Variants in HERC1 observed in about 807,000 individuals in gnomAD.
HERC1 encodes the protein probable E3 ubiquitin-protein ligase HERC1.
A neutral mutation model predicts 554.3 loss-of-function variants in HERC1; 160 were observed. That is an observed-to-expected ratio of 0.29 (90% confidence interval 0.25 to 0.33). HERC1 has a LOEUF of 0.33. Ranked by LOEUF, HERC1 falls within the 10% of genes least tolerant of loss-of-function variation. HERC1 has a pLI of 1.00. For missense variants in HERC1, 4,919 were observed against 5,918.5 expected (o/e 0.83, Z 5.54); for synonymous variants, 2,175 against 2,131.7 (o/e 1.02, Z -0.56).
At chr15:63,766,904 C>T (rs1441304439) in intron 2 of HERC1, among the ~76,000 whole-genome samples, 2 of 152,026 alleles carry the variant, frequency 1.3e-5, no homozygotes, top group East Asian at 3.9e-4. Flanking sequence ...TCTGAAACTC[C>T]CAACCCCAGG....
chr15:63,666,049 T>C lies in HERC1; in HGVS notation c.8425A>G (p.Thr2809Ala), dbSNP rs1376283757. 1 of 1,614,042 alleles carries C rather than the reference T, an allele frequency of 6.2e-7. No homozygotes were observed. The highest frequency in any genetic ancestry group is 1.7e-5 in the Admixed American group (1 of 60,024). ...EDEEEPQSGS[T>A]ADSRPGAAVL... ...GCTGCTCCAGGCCTAGAGTCTGCTG[T>C]GCTGCCCGACTGGGGCTCCTCTTCA... is the stretch of plus-strand genomic sequence containing the variant. Residue 2809 changes from threonine (T) to alanine (A), a missense_variant, in exon 42 of 78, where the codon ACA becomes GCA. Thr to Ala is a moderately conservative substitution (Grantham distance 58). This residue lies in a region of HERC1 where 1,963 missense variants were observed against 2,228.6 expected (regional missense o/e 0.88). Transcript: ENST00000443617.
At chr15:63,663,702 C>T (rs1293823957) in intron 43 of HERC1, among the ~76,000 whole-genome samples, 5 of 152,178 alleles carry the variant, frequency 3.3e-5, no homozygotes, top group African/African-American at 1.2e-4. Context: ...CAAGTGATTT[C>T]TCCTGCCTCC....
Position 63,706,796 on chromosome 15 carries a change from T to C in HERC1, c.4620A>G (p.Ala1540=), listed in dbSNP as rs1270179972. 1.3e-6 allele frequency: 2 copies of C among 1,544,336 alleles called. No individual in the cohort carries two copies. Among genetic ancestry groups the C allele is most frequent in the Admixed American group, 1.9e-5 (1 of 51,530 alleles). The part of the protein sequence containing the change: ...GRRNVDLDLA[A]SHRKRGPMHS... ...TACACTTACCTCTCTTTCTGTGAGA[T>C]GCTGCCAAATCCAAATCAACATTTC... Residue 1540 remains alanine (A), a synonymous_variant, in exon 25 of 78, where the codon GCA becomes GCG. Transcript: ENST00000443617.
intron 25 of HERC1, among the ~76,000 whole-genome samples, chr15:63,705,329 T>C (rs1162800593): frequency 6.6e-6 from 1 of 151,756 alleles, no homozygotes; most frequent in Non-Finnish European, 1.5e-5. Flanking sequence ...TTTTTTTTTC[T>C]TTTTGGCAGA....
intron 16 of HERC1, 74 bp downstream of exon 16, chr15:63,729,162 C>G: frequency 1.5e-6 from 2 of 1,365,972 alleles, no homozygotes; most frequent in Non-Finnish European, 2.0e-6. Context: ...TTCTGGCTCT[C>G]TTAAGACTTT....
chr15:63,730,024 C>T (rs2074217360), intron 14 of HERC1, among the ~76,000 whole-genome samples: 1 of 54,634 alleles, frequency 1.8e-5, no homozygotes, highest in Admixed American at 2.1e-4. Context: ...GAAACTATGT[C>T]TCAAAAAAAA....
intron 8 of HERC1, among the ~76,000 whole-genome samples, chr15:63,750,895 C>T (rs963708097): frequency 3.3e-5 from 5 of 152,152 alleles, no homozygotes; most frequent in African/African-American, 1.2e-4. Flanking sequence ...CATGTTTGTG[C>T]CACTGTACTC....
At chr15:63,670,202 C>A (rs983140699) in intron 39 of HERC1, among the ~76,000 whole-genome samples, 3 of 152,200 alleles carry the variant, frequency 2.0e-5, no homozygotes, top group African/African-American at 7.2e-5. Context: ...CCTAGCACAA[C>A]TGCAAAACAG....
At chr15:63,628,236 G>GA (rs1207522932) in intron 70 of HERC1, among the ~76,000 whole-genome samples, 4 of 151,970 alleles carry the variant, frequency 2.6e-5, no homozygotes, top group African/African-American at 9.7e-5. Flanking sequence ...ACTAAAAACA[G>GA]AAAAAATTAG....
At chr15:63,684,644 T>C (rs2071647457) in intron 34 of HERC1, among the ~76,000 whole-genome samples, 1 of 150,734 alleles carries the variant, frequency 6.6e-6, no homozygotes, top group South Asian at 2.1e-4. Context: ...TATGGAGGAG[T>C]CGGGAGGGCA....
intron 69 of HERC1, among the ~76,000 whole-genome samples, chr15:63,629,534 A>AT (rs2068455357): frequency 6.6e-6 from 1 of 152,238 alleles, no homozygotes; most frequent in South Asian, 2.1e-4. Flanking sequence ...CCAAACCTCT[A>AT]TACTTAGGGT....
intron 33 of HERC1, among the ~76,000 whole-genome samples, chr15:63,687,802 T>A (rs551932252): frequency 2.0e-5 from 3 of 152,334 alleles, no homozygotes; most frequent in African/African-American, 7.2e-5. Context: ...GGAAGGCCTC[T>A]CTGAAGATGT....
intron 1 of HERC1, among the ~76,000 whole-genome samples, chr15:63,823,423 C>A (rs1487577830): frequency 6.6e-6 from 1 of 152,112 alleles, no homozygotes; most frequent in Non-Finnish European, 1.5e-5. Flanking sequence ...TATAATTATT[C>A]CCATTTTATA....
chr15:63,663,141 T>G lies in HERC1; in HGVS notation c.8744A>C (p.Gln2915Pro), dbSNP rs775723755. Residue 2915 changes from glutamine to proline, a missense_variant, in exon 44 of 78, where the codon CAG (glutamine) becomes CCG (proline). Around this residue, in one of 11 missense-constraint regions of HERC1, gnomAD observed 1,963 missense variants for 2,228.6 expected, o/e 0.88. Transcript: ENST00000443617. ...NQSRREGISL[Q>P]QDPGALYDFN... The stretch of plus-strand genomic sequence containing the variant: ...GTCATACAACGCCCCTGGGTCTTGC[T>G]GCAAAGATATTCCTTCTCTCCGACT... 1.9e-6 allele frequency: 3 copies of G among 1,613,918 alleles called. No homozygotes were observed. Among genetic ancestry groups the G allele is most frequent in the Non-Finnish European group, 2.5e-6 (3 of 1,179,896 alleles).
At chr15:63,615,519 A>G (rs2067777691) in intron 76 of HERC1, among the ~76,000 whole-genome samples, 1 of 152,260 alleles carries the variant, frequency 6.6e-6, no homozygotes, top group South Asian at 2.1e-4. Context: ...CTGAGGCCAG[A>G]GAATCACTTG....
In HERC1 at chr15:63,774,669, T is replaced by A. The variant is rs529916165; in HGVS notation, c.930+25A>T. The A allele has an allele frequency of 1.9e-4, 283 of 1,519,556 alleles. 1 individual carries two copies. Among genetic ancestry groups the A allele is most frequent in the Admixed American group, 8.2e-4 (37 of 45,228 alleles). The allele number at this position is 1,519,556 out of a possible 1,614,324, so 94.1% of individuals were successfully genotyped here. ...CTTTTCCAAAAACTATTATGAACTT[T>A]AAAGTTGAGACTTATAGTACGTACC... On this transcript the variant is annotated intron_variant, in intron 2 of 77. Transcript: ENST00000443617.
At position 63,747,017 on chromosome 15, in the gene HERC1, C is replaced by A. The variant is rs544757328; in HGVS notation, c.2421G>T (p.Ala807=). 1.3e-6 allele frequency: 2 copies of A among 1,588,576 alleles called. No homozygotes were observed. The highest frequency in any genetic ancestry group is 4.6e-5 in the East Asian group (2 of 43,558). ...LLSNHLALAL[A]GGVATSILGR... ...CGAGAATGCTGGTAGCTACCCCTCC[C>A]GCAAGTGCAAGAGCAAGGTGATTTG... The change falls in exon 12 of 78, where the codon GCG becomes GCT. Residue 807 remains alanine (A), a synonymous_variant. Coordinates refer to ENST00000443617, the MANE Select transcript of HERC1 (RefSeq NM_003922.4).
At chr15:63,617,736 G>C (rs1239138794) in intron 74 of HERC1, among the ~76,000 whole-genome samples, 6 of 152,272 alleles carry the variant, frequency 3.9e-5, no homozygotes, top group Admixed American at 3.3e-4. Flanking sequence ...TTGTGGTTTT[G>C]ATTTGCATTT....
rs1465456869 is a variant in HERC1 at position 63,609,257 on chromosome 15, T to A, written c.14410A>T (p.Ser4804Cys). Residue 4804 changes from serine (S) to cysteine (C), a missense_variant, in exon 78 of 78, where the codon AGT becomes TGT. Physicochemically the swap from Ser to Cys is moderately radical, Grantham distance 112. This residue lies in a region of HERC1 where 71 missense variants were observed against 101.4 expected (regional missense o/e 0.70). Coordinates refer to ENST00000443617, the MANE Select transcript of HERC1 (RefSeq NM_003922.4). ...QIMKVDRPYD[S>C]LPTSQTCFFQ... ...AAGCAGGTCTGTGAGGTAGGCAGAC[T>A]GTCGTAAGGCTGTGGAGAGAGACCC... The A allele has an allele frequency of 6.2e-7, 1 of 1,611,662 alleles. No individual in the cohort carries two copies. Among genetic ancestry groups the A allele is most frequent in the Non-Finnish European group, 8.5e-7 (1 of 1,179,078 alleles).
Sources: gnomAD v4.1 joint callset for allele counts (sites outside exome capture counted in the v4.1 genomes callset) on GRCh38, gnomAD v4.1.1 for gene constraint, gnomAD v4.1.1 regional missense constraint, MANE v1.5 for transcripts, NCBI Gene and HGNC (gene_info 2026-07-23, HGNC 2026-07-21) for gene names.